The following PTPRT variants were observed in gnomAD, a reference collection of about 807,000 sequenced individuals.
The protein encoded by PTPRT is receptor-type tyrosine-protein phosphatase T.
A neutral mutation model predicts 176.8 loss-of-function variants in PTPRT; 56 were observed. The observed-to-expected ratio is 0.32, with a 90% CI of 0.26 to 0.40. The LOEUF (loss-of-function observed/expected upper bound fraction) is 0.40. Among genes scored for constraint, PTPRT ranks in the 10% least tolerant of loss-of-function variants. The pLI, the probability that PTPRT is intolerant of heterozygous loss-of-function variation, is 1.00. For missense variants in PTPRT, 1,540 were observed against 1,908.2 expected (o/e 0.81, Z 3.60); for synonymous variants, 783 against 739.0 (o/e 1.06, Z -0.96).
At chr20:42,719,192 G>A (rs1238046722) in intron 6 of PTPRT, among the ~76,000 whole-genome samples, 2 of 152,222 alleles carry the variant, frequency 1.3e-5, no homozygotes, top group East Asian at 3.9e-4. Context: ...TTAATCGTAA[G>A]TTCAGCAGAA....
At chr20:42,347,477 T>A in intron 11 of PTPRT, among the ~76,000 whole-genome samples, 1 of 152,264 alleles carries the variant, frequency 6.6e-6, no homozygotes, top group East Asian at 1.9e-4. Context: ...CATCTTACAG[T>A]GGAACTGCAG....
At chr20:42,626,664 G>A (rs2145874883) in intron 7 of PTPRT, among the ~76,000 whole-genome samples, 1 of 152,310 alleles carries the variant, frequency 6.6e-6, no homozygotes, top group Non-Finnish European at 1.5e-5. Context: ...CATTCACAGG[G>A]CCTGAGCCAG....
chr20:42,862,208 T>C (rs926370720), intron 2 of PTPRT, among the ~76,000 whole-genome samples: 2 of 152,140 alleles, frequency 1.3e-5, no homozygotes, highest in African/African-American at 4.8e-5. Flanking sequence ...GAGGCCACTG[T>C]ATTGAACCAC....
intron 7 of PTPRT, among the ~76,000 whole-genome samples, chr20:42,669,302 A>C (rs950480750): frequency 3.9e-5 from 6 of 152,188 alleles, no homozygotes; most frequent in Non-Finnish European, 8.8e-5. Context: ...TGTGGCATGC[A>C]TGAAAGTCCC....
intron 17 of PTPRT, among the ~76,000 whole-genome samples, chr20:42,144,108 G>C (rs1374132088): frequency 6.6e-6 from 1 of 152,150 alleles, no homozygotes; most frequent in African/African-American, 2.4e-5. Flanking sequence ...TGAGTGTAGA[G>C]TGGATGTGTG....
At chr20:42,462,616 G>C (rs2071039229) in intron 8 of PTPRT, among the ~76,000 whole-genome samples, 1 of 152,158 alleles carries the variant, frequency 6.6e-6, no homozygotes, top group Non-Finnish European at 1.5e-5. Flanking sequence ...AAAGAGAAGA[G>C]ATGTGGTCAG....
At chr20:43,033,485 C>T (rs1183204404) in intron 1 of PTPRT, among the ~76,000 whole-genome samples, 1 of 152,146 alleles carries the variant, frequency 6.6e-6, no homozygotes, top group Non-Finnish European at 1.5e-5. Flanking sequence ...CACCAAACTG[C>T]CCTGTCATCC....
chr20:42,953,353 C>T (rs933202911), intron 1 of PTPRT, among the ~76,000 whole-genome samples: 1 of 152,140 alleles, frequency 6.6e-6, no homozygotes, highest in African/African-American at 2.4e-5. Context: ...AGAAATGTAC[C>T]AGAGGTCACA....
At chr20:42,563,568 C>G (rs1483223765) in intron 7 of PTPRT, among the ~76,000 whole-genome samples, 5 of 152,020 alleles carry the variant, frequency 3.3e-5, no homozygotes, top group African/African-American at 1.2e-4. Context: ...AACAGAAGTG[C>G]ATAAAAATTT....
intron 7 of PTPRT, among the ~76,000 whole-genome samples, chr20:42,639,673 C>G (rs1372078274): frequency 2.0e-5 from 3 of 152,118 alleles, no homozygotes; most frequent in African/African-American, 7.2e-5. Context: ...CACTTTTTCT[C>G]TTCTTGATGT....
chr20:42,852,915 G>T (rs2078500483), intron 2 of PTPRT, among the ~76,000 whole-genome samples: 1 of 151,304 alleles, frequency 6.6e-6, no homozygotes, highest in South Asian at 2.1e-4. Flanking sequence ...ACAAATGCAG[G>T]TTCCACCCAG....
chr20:42,668,191 C>A (rs6030402), intron 7 of PTPRT, among the ~76,000 whole-genome samples: 2 of 152,114 alleles, frequency 1.3e-5, no homozygotes, highest in Admixed American at 6.5e-5. Context: ...AAACGAGGTG[C>A]TAAGTTACAC....
intron 15 of PTPRT, among the ~76,000 whole-genome samples, chr20:42,234,161 A>G (rs1224786149): frequency 6.6e-6 from 1 of 152,188 alleles, no homozygotes; most frequent in Non-Finnish European, 1.5e-5. Context: ...TATTCCTGCC[A>G]TGAACCCTGT....
At chr20:42,596,254 C>T (rs2145774813) in intron 7 of PTPRT, among the ~76,000 whole-genome samples, 1 of 152,286 alleles carries the variant, frequency 6.6e-6, no homozygotes, top group East Asian at 1.9e-4. Context: ...GTCTCCATGT[C>T]CCACCTGGTA....
chr20:42,234,202 A>G (rs1215533873), intron 15 of PTPRT, among the ~76,000 whole-genome samples: 1 of 152,190 alleles, frequency 6.6e-6, no homozygotes, highest in Admixed American at 6.5e-5. Flanking sequence ...AAGAAAACTA[A>G]TATTTCATGA....
chr20:42,675,257 T>A (rs950961381), intron 7 of PTPRT, among the ~76,000 whole-genome samples: 1 of 152,234 alleles, frequency 6.6e-6, no homozygotes, highest in Non-Finnish European at 1.5e-5. Context: ...GTGTTGAGCA[T>A]CCCTTATCCA....
intron 13 of PTPRT, among the ~76,000 whole-genome samples, chr20:42,276,097 T>A (rs6065455): frequency 0.65 from 98,531 of 151,866 alleles, 32,714 homozygotes; most frequent in African/African-American, 0.79. Flanking sequence ...GATTTGGACA[T>A]GCTATGCTCC....
intron 1 of PTPRT, among the ~76,000 whole-genome samples, chr20:42,941,668 C>T (rs1980561190): frequency 6.6e-6 from 1 of 152,152 alleles, no homozygotes; most frequent in African/African-American, 2.4e-5. Context: ...ATCCTAAAAC[C>T]TCCTTTAATG....
intron 11 of PTPRT, among the ~76,000 whole-genome samples, chr20:42,330,056 T>C (rs1048887171): frequency 2.0e-5 from 3 of 152,242 alleles, no homozygotes; most frequent in Non-Finnish European, 2.9e-5. Context: ...GACTATTCAA[T>C]GTTTACGAAA....
Sources: gnomAD v4.1 joint callset for allele counts (sites outside exome capture counted in the v4.1 genomes callset) on GRCh38, gnomAD v4.1.1 for gene constraint, MANE v1.5 for transcripts, NCBI Gene and HGNC (gene_info 2026-07-23, HGNC 2026-07-21) for gene names.